The following CHD4 variants were observed in gnomAD, a reference collection of about 807,000 sequenced individuals.
CHD4 encodes the protein ATP-dependent chromatin remodeler CHD4.
CHD4 carries 35 observed loss-of-function variants against 235.5 expected under a neutral mutation model. The ratio of observed to expected loss-of-function variants is 0.15; its 90% confidence interval spans 0.11 to 0.20. CHD4 has a LOEUF of 0.20. CHD4 is among the 10% of genes least tolerant of loss of function. CHD4 has a pLI of 1.00. For synonymous variants in CHD4, 900 were observed against 850.2 expected (o/e 1.06, Z -1.02); for missense variants, 1,329 against 2,432.3 (o/e 0.55, Z 9.54).
intron 7 of CHD4, 87 bp downstream of exon 7, chr12:6,600,839 C>T: frequency 6.6e-7 from 1 of 1,518,142 alleles, no homozygotes; most frequent in Non-Finnish European, 8.8e-7. Flanking sequence ...TCTTACGTGC[C>T]TACTATGAAG....
chr12:6,571,059 A>G (rs1381382512), intron 38 of CHD4, 27 bp from the exon 39 acceptor site: 1 of 1,610,930 alleles, frequency 6.2e-7, no homozygotes, highest in Non-Finnish European at 8.5e-7. Context: ...AGAGGTGGTG[A>G]GCTGTGGTGG....
chr12:6,600,889 A>G (rs746470142), intron 7 of CHD4, 37 bp downstream of exon 7: 34 of 1,540,670 alleles, frequency 2.2e-5, no homozygotes, highest in Non-Finnish European at 2.7e-5. Flanking sequence ...TCTATTAGAC[A>G]TGGCACCCTC....
At chr12:6,582,333 ATTCT>A in intron 29 of CHD4, 52 bp from the exon 30 acceptor site, 1 of 1,510,304 alleles carries the variant, frequency 6.6e-7, no homozygotes, top group Non-Finnish European at 8.9e-7. Context: ...TGACTCTTAG[ATTCT>A]TTTCCATCCC....
Position 6,598,368 on chromosome 12 carries a change from G to T in CHD4, c.1540C>A (p.Pro514Thr). The change falls in exon 11 of 40, where the codon CCA becomes ACA. Residue 514 changes from proline to threonine, a missense_variant. Around this residue, in one of 26 missense-constraint regions of CHD4, gnomAD observed 45 missense variants for 47.5 expected, o/e 0.95. Coordinates refer to ENST00000544040, the MANE Select transcript of CHD4 (RefSeq NM_001273.5). ...KILIWKWGQP[P>T]SPTPVPRPPD... ...GGCCGAGGCACTGGTGTGGGAGATG[G>T]TGGCTGACCCCACTTCCAGATTAGG... The T allele has an allele frequency of 6.2e-7, 1 of 1,613,872 alleles. No individual in the cohort carries two copies. Among genetic ancestry groups the T allele is most frequent in the South Asian group, 1.1e-5 (1 of 91,056 alleles).
intron 12 of CHD4, among the ~76,000 whole-genome samples, chr12:6,596,389 C>T (rs1948495739): frequency 6.6e-6 from 1 of 152,166 alleles, no homozygotes; most frequent in Admixed American, 6.6e-5. Flanking sequence ...GTGGCTCACG[C>T]CTGTAATCCC....
chr12:6,584,498 A>C (rs1161443005), intron 25 of CHD4: 3 of 152,012 alleles, frequency 2.0e-5, no homozygotes, highest in Non-Finnish European at 4.4e-5. Context: ...TGCCAAGTTT[A>C]AGCAATCCTC....
chr12:6,600,083 C>T, intron 9 of CHD4, 71 bp from the exon 10 acceptor site: 1 of 1,521,862 alleles, frequency 6.6e-7, no homozygotes, highest in Non-Finnish European at 9.0e-7. Flanking sequence ...CAGTGCCCAT[C>T]ATTCCTTTGA....
chr12:6,570,526 C>T lies in CHD4; in HGVS notation c.*150G>A. The T allele has an allele frequency of 1.1e-6, 1 of 902,802 alleles. No homozygotes were observed. 55.9% of individuals were successfully genotyped at this position (902,802 alleles called of 1,614,324 possible). A position where few individuals can be genotyped will look rare whatever the true frequency, so the allele number is the denominator to read the frequency against. ...GCACCACTGCCCCTCACTCCCTCCC[C>T]TCCCCCAGTGCACTGGGGCTGTTCC... On this transcript the variant is annotated 3_prime_UTR_variant, in exon 40 of 40. Coordinates refer to ENST00000544040, the MANE Select transcript of CHD4 (RefSeq NM_001273.5).
intron 37 of CHD4, among the ~76,000 whole-genome samples, chr12:6,575,449 CAAAA>C (rs201602922): frequency 5.1e-5 from 3 of 58,496 alleles, no homozygotes; most frequent in Non-Finnish European, 1.2e-4. Context: ...GACTTTGTCT[CAAAA>C]AAAAAAAAAA....
At chr12:6,591,298 AG>A (rs777472792) in intron 22 of CHD4, 167 bp downstream of exon 22, 3 of 591,460 alleles carry the variant, frequency 5.1e-6, no homozygotes, top group Non-Finnish European at 8.9e-6. Flanking sequence ...AAAATCTCCT[AG>A]GAATAGTCCA....
chr12:6,570,922 G>A lies in CHD4; in HGVS notation c.5668C>T (p.Arg1890Cys), dbSNP rs1226641208. 7 of 1,614,160 alleles carry A rather than the reference G, an allele frequency of 4.3e-6. No individual in the cohort carries two copies. The highest frequency in any genetic ancestry group is 1.1e-5 in the South Asian group (1 of 91,084). Residue 1890 changes from arginine (R) to cysteine (C), a missense_variant, in exon 39 of 40, where the codon CGT (arginine) becomes TGT (cysteine). Coordinates refer to ENST00000544040, the MANE Select transcript of CHD4 (RefSeq NM_001273.5). The stretch of plus-strand genomic sequence containing the variant: ...TTTGCCAGGCGGCTGAGAATGTTAC[G>A]CTCTGACATCTGTAACCTCACAGCA... ...PVAVRLQMSE[R>C]NILSRLANRA...
At chr12:6,606,879 G>T in intron 1 of CHD4, 1 of 152,498 alleles carries the variant, frequency 6.6e-6, no homozygotes, top group Non-Finnish European at 1.5e-5. Context: ...TCCAAAGGCT[G>T]TCCTCTGGGA....
intron 37 of CHD4, among the ~76,000 whole-genome samples, chr12:6,576,501 CAT>C (rs1321967982): frequency 6.6e-6 from 1 of 152,148 alleles, no homozygotes; most frequent in African/African-American, 2.4e-5. Flanking sequence ...TTTTTGTAGA[CAT>C]GGGGTTTTGC....
chr12:6,606,601 G>C (rs2136231501), intron 1 of CHD4, 150 bp from the exon 2 acceptor site: 2 of 416,190 alleles, frequency 4.8e-6, no homozygotes, highest in East Asian at 8.0e-5. Context: ...ACACTCCTCG[G>C]GGGCAGCCCG....
chr12:6,601,401 C>T lies in CHD4; in HGVS notation c.687G>A (p.Ala229=), dbSNP rs546882640. The T allele has an allele frequency of 7.2e-5, 116 of 1,614,142 alleles. No homozygotes were observed. In the Admixed American group the frequency reaches 1.6e-3, roughly 23 times the overall value. Residue 229 remains alanine, a synonymous_variant, in exon 6 of 40, where the codon GCG becomes GCA. Transcript: ENST00000544040. ...CCACCACAGCTACCGCTGCTGCTGC[C>T]GCAGCTGCCACTGATGCCCCAGAAC... is the stretch of plus-strand genomic sequence containing the variant. ...KGSSGASVAA[A]AAAAVAVVES...
Position 6,593,676 on chromosome 12 carries a change from A to G in CHD4, c.2314-60T>C. On this transcript the variant is annotated intron_variant, in intron 15 of 39. Coordinates refer to ENST00000544040, the MANE Select transcript of CHD4 (RefSeq NM_001273.5). This position sits in a 1 kb window ranked among gnomAD's most constrained non-coding sequence, Gnocchi z 4.9. ...CCCCAGCACACTGCAACCCCAGCGA[A>G]CACCCACCACCCTGCTGCCCCCTCA... 1 of 1,480,050 alleles carries G rather than the reference A, an allele frequency of 6.8e-7. No individual in the cohort carries two copies. The allele number at this position is 1,480,050 out of a possible 1,614,324, so 91.7% of individuals were successfully genotyped here. A position where few individuals can be genotyped will look rare whatever the true frequency, so the allele number is the denominator to read the frequency against.
Position 6,602,440 on chromosome 12 carries a change from T to C in CHD4, c.158A>G (p.Lys53Arg). Residue 53 changes from lysine to arginine, a missense_variant, in exon 3 of 40, where the codon AAG (lysine) becomes AGG (arginine). Physicochemically the swap from Lys to Arg is conservative, Grantham distance 26. Coordinates refer to ENST00000544040, the MANE Select transcript of CHD4 (RefSeq NM_001273.5). ...LSETETPKLK[K>R]KKKPKKPRDP... ...CCGAGGTTTCTTAGGCTTTTTCTTC[T>C]TCTTGAGCTTTGGAGTCTCTGTTTC... 2 of 1,614,196 alleles carry C rather than the reference T, an allele frequency of 1.2e-6. No individual in the cohort carries two copies. Among genetic ancestry groups the C allele is most frequent in the South Asian group, 2.2e-5 (2 of 91,086 alleles).
chr12:6,573,129 G>T lies in CHD4; in HGVS notation c.5502C>A (p.His1834Gln). ...TTCCTGCCATTGACTCCTTGGACAG[G>T]TGCTGATGACTTTCCGCCAAACACT... Reference protein sequence around the residue: ...EVECLAESHQHLSKESMAGNK... With the variant: ...EVECLAESHQQLSKESMAGNK... The change falls in exon 38 of 40, where the codon CAC becomes CAA. Residue 1834 changes from histidine (H) to glutamine (Q), a missense_variant. His to Gln is a conservative substitution (Grantham distance 24). Transcript: ENST00000544040. The T allele has an allele frequency of 6.2e-7, 1 of 1,611,676 alleles. No homozygotes were observed. Among genetic ancestry groups the T allele is most frequent in the Non-Finnish European group, 8.5e-7 (1 of 1,179,000 alleles).
Position 6,606,438 on chromosome 12 carries a change from A to C in CHD4, c.-65T>G. ...CTGCCGGCGGCCTGAGGACCTCTAC[A>C]CTGGCCCGAGTCACTGTGCGGGGGA... is the stretch of plus-strand genomic sequence containing the variant. On this transcript the variant is annotated 5_prime_UTR_variant, in exon 2 of 40. Transcript: ENST00000544040. The C allele has an allele frequency of 1.2e-5, 12 of 970,514 alleles. No individual in the cohort carries two copies. The highest frequency in any genetic ancestry group is 1.7e-5 in the Non-Finnish European group (11 of 647,004). The allele number at this position is 970,514 out of a possible 1,614,324, so 60.1% of individuals were successfully genotyped here.
Sources: gnomAD v4.1 joint callset for allele counts (sites outside exome capture counted in the v4.1 genomes callset) on GRCh38, gnomAD v4.1.1 for gene constraint, gnomAD v4.1.1 regional missense constraint, Gnocchi (gnomAD v3.1) non-coding constraint, MANE v1.5 for transcripts, NCBI Gene and HGNC (gene_info 2026-07-23, HGNC 2026-07-21) for gene names.